Variants in RGS8 observed in about 807,000 individuals in gnomAD.
RGS8 encodes regulator of G protein signaling 8.
RGS8 carries 8 observed loss-of-function variants against 21.7 expected under a neutral mutation model. That is an observed-to-expected ratio of 0.37 (90% CI 0.22 to 0.66). The LOEUF (loss-of-function observed/expected upper bound fraction) is 0.66, where lower values mean the gene tolerates loss of function less well. Ranked by LOEUF, RGS8 falls within the 30% of genes least tolerant of loss-of-function variation. The probability of loss-of-function intolerance (pLI) is 0.59; values close to 1 mark genes in which losing one functional copy is unlikely to be tolerated. For synonymous variants in RGS8, 80 were observed against 83.6 expected (o/e 0.96, Z 0.24); for missense variants, 157 against 217.9 (o/e 0.72, Z 1.76).
At chr1:182,686,822 G>A (rs763981011), upstream of RGS8, among the ~76,000 whole-genome samples, 6 of 152,104 alleles carry the variant, frequency 3.9e-5, no homozygotes, top group Non-Finnish European at 8.8e-5. Context: ...GAGGGGCTGA[G>A]GGCAGGACTT....
At chr1:182,646,763 A>G (rs756737032) in exon 7 of RGS8, 2 of 1,614,068 alleles carry the variant, frequency 1.2e-6, no homozygotes, top group Non-Finnish European at 1.7e-6. Flanking sequence ...GCTTTGGGAC[A>G]GCAGATCTAA....
chr1:182,711,704 G>C, the RGS8 span, among the ~76,000 whole-genome samples: 60 of 152,310 alleles, frequency 3.9e-4, no homozygotes, highest in East Asian at 9.4e-3. Context: ...TCTACCAGGA[G>C]CTCAAGGCCT....
intron 1 of RGS8, among the ~76,000 whole-genome samples, chr1:182,683,854 T>C (rs1488672735): frequency 1.3e-5 from 2 of 152,178 alleles, no homozygotes; most frequent in Non-Finnish European, 1.5e-5. Context: ...ACCAAAGACC[T>C]GCACATGTAC....
chr1:182,708,041 C>T, the RGS8 span, among the ~76,000 whole-genome samples: 2 of 152,098 alleles, frequency 1.3e-5, no homozygotes, highest in Non-Finnish European at 2.9e-5. Context: ...CAAAACTCCA[C>T]GAGATAAGTC....
At chr1:182,720,936 CATATATAT>C in the RGS8 span, among the ~76,000 whole-genome samples, 4 of 110,146 alleles carry the variant, frequency 3.6e-5, no homozygotes, top group Admixed American at 9.8e-5. Flanking sequence ...TACATATATA[CATATATAT>C]ACATATATAC....
chr1:182,720,368 C>G, the RGS8 span, among the ~76,000 whole-genome samples: 1 of 152,200 alleles, frequency 6.6e-6, no homozygotes, highest in African/African-American at 2.4e-5. Context: ...TCTTCACCAA[C>G]CCTGCTTTAT....
chr1:182,647,161 CT>C (rs1662742094), intron 6 of RGS8, among the ~76,000 whole-genome samples: 2 of 152,220 alleles, frequency 1.3e-5, no homozygotes, highest in Non-Finnish European at 2.9e-5. Context: ...GACTAAAAAG[CT>C]TGTTTAAAGT....
chr1:182,687,255 G>T (rs1000447832), upstream of RGS8, among the ~76,000 whole-genome samples: 8 of 152,122 alleles, frequency 5.3e-5, no homozygotes, highest in African/African-American at 1.9e-4. Flanking sequence ...TGCCCAGGCT[G>T]GACTTAAACT....
the RGS8 span, among the ~76,000 whole-genome samples, chr1:182,750,420 T>G: frequency 1.3e-5 from 2 of 152,338 alleles, no homozygotes; most frequent in East Asian, 3.9e-4. Flanking sequence ...TTTTCTTTCT[T>G]TATAATCAAC....
chr1:182,730,661 G>A, the RGS8 span, among the ~76,000 whole-genome samples: 564 of 150,332 alleles, frequency 3.8e-3, 2 homozygotes, highest in Non-Finnish European at 6.1e-3. Flanking sequence ...AGTGAGCCAA[G>A]ATCCCGCCAC....
the RGS8 span, among the ~76,000 whole-genome samples, chr1:182,697,050 A>C: frequency 6.6e-6 from 1 of 152,220 alleles, no homozygotes; most frequent in Non-Finnish European, 1.5e-5. Context: ...AAGTGCAAAG[A>C]CATTTTCAAG....
chr1:182,670,762 A>G (rs922058162), intron 2 of RGS8, among the ~76,000 whole-genome samples: 3 of 152,190 alleles, frequency 2.0e-5, no homozygotes, highest in African/African-American at 4.8e-5. Context: ...TGCTTTGTTA[A>G]AACTAGAAAA....
At chr1:182,670,496 C>T (rs1664103601) in intron 2 of RGS8, among the ~76,000 whole-genome samples, 3 of 152,180 alleles carry the variant, frequency 2.0e-5, no homozygotes, top group African/African-American at 7.2e-5. Flanking sequence ...ATTCTCAGTG[C>T]TTCAAACCCT....
At chr1:182,648,345 G>A (rs1182585947) in intron 5 of RGS8, 42 bp from the exon 7 acceptor site, 4 of 1,596,266 alleles carry the variant, frequency 2.5e-6, no homozygotes, top group Admixed American at 3.4e-5. Context: ...ATAGGAAGCA[G>A]CTTAAGTTTA....
chr1:182,751,809 T>C, the RGS8 span, among the ~76,000 whole-genome samples: 1 of 152,192 alleles, frequency 6.6e-6, no homozygotes, highest in African/African-American at 2.4e-5. Context: ...GGCTGGATCA[T>C]TAAAACTAGA....
At chr1:182,673,632 T>C (rs1354341416), upstream of RGS8, among the ~76,000 whole-genome samples, 1 of 152,212 alleles carries the variant, frequency 6.6e-6, no homozygotes, top group Non-Finnish European at 1.5e-5. Context: ...TGCCCCTCTA[T>C]TAAAGAAAGG....
At chr1:182,741,290 G>T in the RGS8 span, among the ~76,000 whole-genome samples, 6 of 87,962 alleles carry the variant, frequency 6.8e-5, no homozygotes, top group Admixed American at 6.2e-4. Context: ...TCCCGGACGG[G>T]GCGGCTGGCC....
the RGS8 span, among the ~76,000 whole-genome samples, chr1:182,700,532 C>T: frequency 6.6e-6 from 1 of 152,182 alleles, no homozygotes; most frequent in East Asian, 1.9e-4. Flanking sequence ...ACCCCAGGTT[C>T]AGCCTCGGGC....
chr1:182,645,068 T>C (rs1443936927), downstream of RGS8: 4 of 152,256 alleles, frequency 2.6e-5, no homozygotes, highest in East Asian at 1.9e-4. Context: ...GGTCTAGCTA[T>C]AGCTAAAAAA....
Sources: gnomAD v4.1 joint callset for allele counts (sites outside exome capture counted in the v4.1 genomes callset) on GRCh38, gnomAD v4.1.1 for gene constraint, MANE v1.5 for transcripts, NCBI Gene and HGNC (gene_info 2026-07-23, HGNC 2026-07-21) for gene names.